Variants in NDUFAF2 observed in about 807,000 individuals in gnomAD.
NDUFAF2 encodes NADH:ubiquinone oxidoreductase complex assembly factor 2, also known as NADH dehydrogenase [ubiquinone] 1 alpha subcomplex assembly factor 2.
In NDUFAF2, 13 loss-of-function variants were observed where a neutral mutation model predicts 22.8. The observed-to-expected ratio is 0.57, with a 90% CI of 0.37 to 0.91. NDUFAF2 has a LOEUF of 0.91. Ranked by LOEUF, NDUFAF2 falls within the 40% of genes least tolerant of loss-of-function variation. The pLI is 0.01. For synonymous variants in NDUFAF2, 53 were observed against 64.2 expected, an observed-to-expected ratio of 0.83 and a Z score of 0.84; for missense variants, 162 against 195.2, an observed-to-expected ratio of 0.83 and a Z score of 1.01.
intron 3 of NDUFAF2, among the ~76,000 whole-genome samples, chr5:61,147,411 G>A (rs1459551248): frequency 9.8e-6 from 1 of 102,316 alleles, no homozygotes. Context: ...ACCAGGCCTG[G>A]CTAATTTTTG....
intron 1 of NDUFAF2, among the ~76,000 whole-genome samples, chr5:61,011,215 T>C (rs1751438410): frequency 6.6e-6 from 1 of 152,130 alleles, no homozygotes; most frequent in African/African-American, 2.4e-5. Context: ...TTCTGTGCCT[T>C]ATGAGTATTT....
chr5:60,947,575 G>A (rs1750478463), intron 1 of NDUFAF2, among the ~76,000 whole-genome samples: 1 of 152,008 alleles, frequency 6.6e-6, no homozygotes, highest in Admixed American at 6.6e-5. Context: ...AGACCAGCCT[G>A]GCCAACATGG....
At position 61,124,342 on chromosome 5, in the gene NDUFAF2, A is replaced by G. The variant is rs549073515; in HGVS notation, c.258+25310A>G. 2.4e-4 allele frequency among the ~76,000 whole-genome samples: 36 copies of G among 152,036 alleles called. No homozygotes were observed. The South Asian group carries it at 6.8e-3, about 29-fold the overall frequency. ...TACTTTTTTCCATTATTCTTTATAT[A>G]CTTAATTTCTATACCTACTTCTTTG... On this transcript the variant is annotated intron_variant, in intron 3 of 3. Coordinates refer to ENST00000296597, the MANE Select transcript of NDUFAF2 (RefSeq NM_174889.5).
intron 3 of NDUFAF2, among the ~76,000 whole-genome samples, chr5:61,137,456 C>T (rs1740981886): frequency 6.6e-6 from 1 of 152,120 alleles, no homozygotes; most frequent in Non-Finnish European, 1.5e-5. Flanking sequence ...ATAAGTGCTA[C>T]AAAGTAAACT....
chr5:61,095,126 G>A (rs1752622122), intron 2 of NDUFAF2, among the ~76,000 whole-genome samples: 1 of 152,170 alleles, frequency 6.6e-6, no homozygotes, highest in African/African-American at 2.4e-5. Flanking sequence ...TCTGTCTCAG[G>A]AAGTTCTCAA....
intron 1 of NDUFAF2, among the ~76,000 whole-genome samples, chr5:60,971,179 A>G (rs938217822): frequency 2.0e-5 from 3 of 150,806 alleles, no homozygotes; most frequent in African/African-American, 7.3e-5. Context: ...GTTCTAGGGT[A>G]CATGTGCACA....
rs1741153398 is a variant in NDUFAF2, at chr5:61,147,313, A to G, written c.259-5391A>G. ...GCCCAGGCTGGAGTGCAGTGGTGTG[A>G]TCTTGGCTCACTGCAGCTTTGACCT... On this transcript the variant is annotated intron_variant, in intron 3 of 3. Coordinates refer to ENST00000296597, the MANE Select transcript of NDUFAF2 (RefSeq NM_174889.5). 2.0e-5 allele frequency among the ~76,000 whole-genome samples: 3 copies of G among 150,958 alleles called. 1 individual carries two copies. In the South Asian group the frequency reaches 6.3e-4, roughly 32 times the overall value.
intron 1 of NDUFAF2, among the ~76,000 whole-genome samples, chr5:60,990,355 GT>G (rs1189945384): frequency 6.6e-6 from 1 of 152,086 alleles, no homozygotes; most frequent in African/African-American, 2.4e-5. Context: ...TTATTGTGAT[GT>G]GATTGTTACA....
At chr5:61,127,259 A>G (rs1321077815) in intron 3 of NDUFAF2, among the ~76,000 whole-genome samples, 1 of 152,186 alleles carries the variant, frequency 6.6e-6, no homozygotes, top group African/African-American at 2.4e-5. Context: ...CAATAGAAAA[A>G]GAAGGAATCC....
intron 1 of NDUFAF2, among the ~76,000 whole-genome samples, chr5:61,001,180 C>A (rs1422105128): frequency 1.3e-5 from 2 of 152,110 alleles, no homozygotes; most frequent in Non-Finnish European, 2.9e-5. Flanking sequence ...CTAACTATTT[C>A]CCCTATCCCA....
At chr5:61,006,406 G>T (rs565309147) in intron 1 of NDUFAF2, among the ~76,000 whole-genome samples, 1 of 152,166 alleles carries the variant, frequency 6.6e-6, no homozygotes, top group African/African-American at 2.4e-5. Context: ...TTTGGCTTAG[G>T]ATTGACTTGG....
intron 1 of NDUFAF2, among the ~76,000 whole-genome samples, chr5:61,051,072 TGG>T (rs1752018772): frequency 6.6e-6 from 1 of 152,204 alleles, no homozygotes; most frequent in Non-Finnish European, 1.5e-5. Context: ...AGATGACATA[TGG>T]TACAGAGTAG....
intron 1 of NDUFAF2, among the ~76,000 whole-genome samples, chr5:60,971,577 G>A (rs1750831004): frequency 6.6e-6 from 1 of 152,074 alleles, no homozygotes; most frequent in Non-Finnish European, 1.5e-5. Context: ...GTGAGCCACC[G>A]CGCCCGGCAT....
intron 1 of NDUFAF2, among the ~76,000 whole-genome samples, chr5:61,007,754 A>C (rs62367887): frequency 1.3e-5 from 2 of 152,024 alleles, no homozygotes; most frequent in African/African-American, 4.8e-5. Context: ...CAATTCCTCA[A>C]GGATCTAGAA....
chr5:61,027,527 G>A (rs141905802), intron 1 of NDUFAF2, among the ~76,000 whole-genome samples: 10 of 152,082 alleles, frequency 6.6e-5, no homozygotes, highest in Non-Finnish European at 1.3e-4. Flanking sequence ...TTTTGTGAGA[G>A]AAGTACCACT....
At chr5:61,016,427 C>T (rs933359782) in intron 1 of NDUFAF2, among the ~76,000 whole-genome samples, 5 of 152,020 alleles carry the variant, frequency 3.3e-5, no homozygotes, top group Admixed American at 6.6e-5. Context: ...TCATTGTATG[C>T]GTATTGAAAT....
At chr5:61,021,904 A>G (rs962614035) in intron 1 of NDUFAF2, among the ~76,000 whole-genome samples, 3 of 152,188 alleles carry the variant, frequency 2.0e-5, no homozygotes, top group South Asian at 2.1e-4. Context: ...TAAGTCCACA[A>G]TCTGCAAGAT....
chr5:61,076,791 G>A (rs900482340), intron 2 of NDUFAF2, among the ~76,000 whole-genome samples: 2 of 152,218 alleles, frequency 1.3e-5, no homozygotes, highest in Non-Finnish European at 2.9e-5. Context: ...GGAAGCTCTT[G>A]TAATAATTTA....
At chr5:61,024,790 T>C (rs1751628982) in intron 1 of NDUFAF2, among the ~76,000 whole-genome samples, 1 of 152,148 alleles carries the variant, frequency 6.6e-6, no homozygotes, top group Non-Finnish European at 1.5e-5. Context: ...AATAAACATT[T>C]TATTATTTAA....
Sources: gnomAD v4.1 joint callset for allele counts (sites outside exome capture counted in the v4.1 genomes callset) on GRCh38, gnomAD v4.1.1 for gene constraint, MANE v1.5 for transcripts, NCBI Gene and HGNC (gene_info 2026-07-23, HGNC 2026-07-21) for gene names.